The following ADGRV1 variants were observed in gnomAD, a reference collection of about 807,000 sequenced individuals.
The protein encoded by ADGRV1 is G-protein coupled receptor 98.
Under a neutral mutation model 596.2 loss-of-function variants are expected in ADGRV1, and 359 were observed. The ratio of observed to expected loss-of-function variants is 0.60; its 90% confidence interval spans 0.55 to 0.66. The LOEUF is 0.66. Among genes scored for constraint, ADGRV1 ranks in the 30% least tolerant of loss-of-function variants. The probability of loss-of-function intolerance (pLI) is 0.00; values close to 1 mark genes in which losing one functional copy is unlikely to be tolerated. For synonymous variants in ADGRV1, 2,681 were observed against 2,679.2 expected, an observed-to-expected ratio of 1.00 and a Z score of -0.02; for missense variants, 7,274 against 7,575.6, an observed-to-expected ratio of 0.96 and a Z score of 1.48.
Position 90,684,185 on chromosome 5 carries a change from G to A in ADGRV1, c.6264G>A (p.Gln2088=). The change falls in exon 28 of 90, where the codon CAG becomes CAA. Residue 2088 remains glutamine (Q), a synonymous_variant. Coordinates refer to ENST00000405460, the MANE Select transcript of ADGRV1 (RefSeq NM_032119.4). ...LLNSTLVAKV[Q]SRSIPNSPRL... is the part of the protein sequence containing the mutation. ...ACTCTACTTTAGTAGCGAAAGTACA[G>A]AGTCGTTCAAGTAAGTATCCCTTAG... is the stretch of plus-strand genomic sequence containing the variant. 6.2e-7 allele frequency: 1 copy of A among 1,609,704 alleles called. No homozygotes were observed.
chr5:91,159,045 G>T (rs118020487), intron 89 of ADGRV1, among the ~76,000 whole-genome samples: 1 of 152,284 alleles, frequency 6.6e-6, no homozygotes, highest in East Asian at 1.9e-4. Context: ...TAAAATGCTT[G>T]CATTAATTCA....
At chr5:91,087,098 C>G (rs1416628786) in intron 86 of ADGRV1, among the ~76,000 whole-genome samples, 1 of 152,174 alleles carries the variant, frequency 6.6e-6, no homozygotes, top group African/African-American at 2.4e-5. Context: ...TATGGCCCAT[C>G]TTCATGGCCC....
intron 20 of ADGRV1, chr5:90,655,761 A>T (rs553626471): frequency 5.9e-5 from 9 of 151,672 alleles, no homozygotes; most frequent in South Asian, 4.2e-4. Flanking sequence ...AGGTGTATTT[A>T]AAAAAAAATA....
Position 90,728,679 on chromosome 5 carries a change from G to A in ADGRV1, c.10172G>A (p.Trp3391Ter). 1.2e-6 allele frequency: 2 copies of A among 1,608,470 alleles called. No individual in the cohort carries two copies. Among genetic ancestry groups the A allele is most frequent in the Non-Finnish European group, 1.7e-6 (2 of 1,176,248 alleles). ...DDSELTQVFR[W>*]NGGSFVLHQK... The stretch of plus-strand genomic sequence containing the variant: ...CAACATTTCCTTCAGGTCTTCAGGT[G>A]GAATGGAGGAAGCTTCGTGTTGCAT... The change falls in exon 49 of 90, where the codon TGG becomes TAG. Residue 3391 changes from tryptophan to a stop codon, truncating the protein, a stop_gained. Coordinates refer to ENST00000405460, the MANE Select transcript of ADGRV1 (RefSeq NM_032119.4). LOFTEE classifies it high-confidence loss of function.
At chr5:90,624,105 T>C (rs760325920) in intron 5 of ADGRV1, among the ~76,000 whole-genome samples, 1 of 152,088 alleles carries the variant, frequency 6.6e-6, no homozygotes, top group Non-Finnish European at 1.5e-5. Context: ...CATAGAAGAG[T>C]TCTGTTCATG....
chr5:90,898,679 C>CA (rs1771549189), intron 83 of ADGRV1, among the ~76,000 whole-genome samples: 1 of 152,144 alleles, frequency 6.6e-6, no homozygotes, highest in Admixed American at 6.5e-5. Context: ...TGCGGGGACT[C>CA]ACACCTGTAA....
At chr5:91,119,711 TA>T (rs1203499070) in intron 87 of ADGRV1, among the ~76,000 whole-genome samples, 1 of 152,246 alleles carries the variant, frequency 6.6e-6, no homozygotes, top group African/African-American at 2.4e-5. Context: ...CATTAAGAAA[TA>T]AAAAACCACA....
intron 37 of ADGRV1, 31 bp from the exon 38 acceptor site, chr5:90,706,200 T>G (rs747578330): frequency 6.3e-6 from 10 of 1,576,506 alleles, no homozygotes; most frequent in Non-Finnish European, 7.7e-6. Context: ...TTTAGATAAT[T>G]ATAAAACATT....
intron 1 of ADGRV1, among the ~76,000 whole-genome samples, chr5:90,604,241 A>G (rs1187862960): frequency 6.6e-6 from 1 of 152,142 alleles, no homozygotes; most frequent in Non-Finnish European, 1.5e-5. Flanking sequence ...AGTTTGGACT[A>G]AAAAACACAT....
chr5:90,791,524 A>C, intron 70 of ADGRV1, 178 bp downstream of exon 70: 1 of 573,780 alleles, frequency 1.7e-6, no homozygotes, highest in East Asian at 2.8e-5. Flanking sequence ...TAATAAGTAT[A>C]TTACTATTTG....
intron 52 of ADGRV1, 29 bp from the exon 53 acceptor site, chr5:90,750,522 C>A (rs1381768442): frequency 3.2e-6 from 5 of 1,561,516 alleles, no homozygotes; most frequent in Middle Eastern, 1.7e-4. Flanking sequence ...TTCAGGGAAC[C>A]CCTTGTGACT....
At chr5:90,574,897 G>A (rs1314206377) in intron 1 of ADGRV1, among the ~76,000 whole-genome samples, 2 of 152,114 alleles carry the variant, frequency 1.3e-5, no homozygotes, top group Non-Finnish European at 1.5e-5. Context: ...ACTAGGCTCT[G>A]AGGATTTTTT....
At chr5:90,932,655 T>G (rs1266954438) in intron 83 of ADGRV1, among the ~76,000 whole-genome samples, 1 of 152,136 alleles carries the variant, frequency 6.6e-6, no homozygotes, top group Non-Finnish European at 1.5e-5. Flanking sequence ...AACATATAGA[T>G]CTCTAAGTAT....
intron 39 of ADGRV1, among the ~76,000 whole-genome samples, chr5:90,709,151 A>G (rs1044038258): frequency 6.6e-6 from 1 of 152,172 alleles, no homozygotes; most frequent in Non-Finnish European, 1.5e-5. Flanking sequence ...TTATAAACAA[A>G]TTTGTAATCC....
At position 90,706,356 on chromosome 5, in the gene ADGRV1, G is replaced by C. The variant is rs577713139; in HGVS notation, c.8692G>C (p.Gly2898Arg). The change falls in exon 38 of 90, where the codon GGG becomes CGG. Residue 2898 changes from glycine to arginine, a missense_variant. Physicochemically the swap from Gly to Arg is moderately radical, Grantham distance 125. Transcript: ENST00000405460. ...PIIGFLILEE[G>R]ETAAAINITI... ...CATTGGCTTTCTGATTTTAGAAGAA[G>C]GGGAAACAGCAGCAGCCATCAACAT... 138 of 1,612,222 alleles carry C rather than the reference G, an allele frequency of 8.6e-5. 1 individual carries two copies. The South Asian group carries it at 1.4e-3, about 17-fold the overall frequency.
In ADGRV1 at chr5:90,853,264, C is replaced by A. The variant is rs763437539; in HGVS notation, c.17205-20C>A. 6.3e-7 allele frequency: 1 copy of A among 1,584,176 alleles called. No individual in the cohort carries two copies. The highest frequency in any genetic ancestry group is 1.8e-5 in the Admixed American group (1 of 56,720). On this transcript the variant is annotated intron_variant, in intron 79 of 89. Coordinates refer to ENST00000405460, the MANE Select transcript of ADGRV1 (RefSeq NM_032119.4). The stretch of plus-strand genomic sequence containing the variant: ...TCAAATACATGCCATTTTTACAGAC[C>A]CTTTGCTTTTCTGTTGTAGAAGCAA...
intron 87 of ADGRV1, among the ~76,000 whole-genome samples, chr5:91,125,718 T>C (rs1354119843): frequency 6.6e-6 from 1 of 152,224 alleles, no homozygotes; most frequent in Non-Finnish European, 1.5e-5. Flanking sequence ...CGGCCTTAAA[T>C]AATTCTCCAA....
At chr5:90,619,815 T>A (rs1403456119) in intron 4 of ADGRV1, among the ~76,000 whole-genome samples, 1 of 146,570 alleles carries the variant, frequency 6.8e-6, no homozygotes, top group African/African-American at 2.5e-5. Context: ...TGTGTTCTCA[T>A]TGTTCAATTC....
Position 90,697,012 on chromosome 5 carries a change from G to T in ADGRV1, c.8021G>T (p.Ser2674Ile), listed in dbSNP as rs749000926. 6.2e-7 allele frequency: 1 copy of T among 1,613,296 alleles called. No individual in the cohort carries two copies. The highest frequency in any genetic ancestry group is 2.2e-5 in the East Asian group (1 of 44,850). ...GAGGATGACGAAAGTATCATAGTTA[G>T]TTTGGTGTACACTGAAGGTGGAAGT... is the stretch of plus-strand genomic sequence containing the variant. Reference protein sequence around the residue: ...EPEDDESIIVSLVYTEGGSRI... With the variant: ...EPEDDESIIVILVYTEGGSRI... The change falls in exon 34 of 90, where the codon AGT (serine) becomes ATT (isoleucine). Residue 2674 changes from serine (S) to isoleucine (I), a missense_variant. Coordinates refer to ENST00000405460, the MANE Select transcript of ADGRV1 (RefSeq NM_032119.4).
Sources: gnomAD v4.1 joint callset for allele counts (sites outside exome capture counted in the v4.1 genomes callset) on GRCh38, gnomAD v4.1.1 for gene constraint, MANE v1.5 for transcripts, NCBI Gene and HGNC (gene_info 2026-07-23, HGNC 2026-07-21) for gene names.